OR1L8: variants seen among roughly 807,000 people sequenced by gnomAD.
The protein encoded by OR1L8 is olfactory receptor 1L8.
For synonymous variants in OR1L8, 148 were observed against 147.0 expected, an observed-to-expected ratio of 1.01 and a Z score of -0.05; for missense variants, 330 against 377.4, an observed-to-expected ratio of 0.87 and a Z score of 1.04.
chr9:122,575,745 C>G (rs1408563346), intron 3 of OR1L8, among the ~76,000 whole-genome samples: 8 of 152,136 alleles, frequency 5.3e-5, no homozygotes, highest in Non-Finnish European at 8.8e-5. Flanking sequence ...CTCACAGTTA[C>G]TTTTTTGTGA....
intron 1 of OR1L8, among the ~76,000 whole-genome samples, chr9:122,579,777 T>A (rs1017212585): frequency 3.9e-5 from 6 of 152,000 alleles, no homozygotes; most frequent in Middle Eastern, 3.4e-3. Flanking sequence ...GTCATTGATG[T>A]TTTAAGCAGA....
At chr9:122,566,432 T>A (rs1356014829), downstream of OR1L8, among the ~76,000 whole-genome samples, 1 of 152,050 alleles carries the variant, frequency 6.6e-6, no homozygotes, top group African/African-American at 2.4e-5. Context: ...CATATGTACA[T>A]TCATATTTAT....
the OR1L8 span, among the ~76,000 whole-genome samples, chr9:122,560,612 C>T: frequency 6.6e-6 from 1 of 152,102 alleles, no homozygotes; most frequent in Non-Finnish European, 1.5e-5. Flanking sequence ...ATATGAAATT[C>T]TGCGTTGAAA....
At chr9:122,553,089 T>A in the OR1L8 span, 1 of 918,492 alleles carries the variant, frequency 1.1e-6, no homozygotes, top group Non-Finnish European at 1.6e-6. Flanking sequence ...ACCATTTATT[T>A]TTCTTTTCTT....
chr9:122,563,445 T>A (rs4837990), downstream of OR1L8, among the ~76,000 whole-genome samples: 41,452 of 152,122 alleles, frequency 0.27, 5,825 homozygotes, highest in Middle Eastern at 0.34. Flanking sequence ...TCTCCATTTT[T>A]AAAATCATTT....
chr9:122,569,489 T>G (rs909866351), intron 4 of OR1L8, among the ~76,000 whole-genome samples: 1 of 152,244 alleles, frequency 6.6e-6, no homozygotes, highest in Non-Finnish European at 1.5e-5. Context: ...TTGTCACAAT[T>G]TTTTTGCAAT....
the OR1L8 span, among the ~76,000 whole-genome samples, chr9:122,550,906 T>C: frequency 2.6e-5 from 4 of 151,870 alleles, no homozygotes; most frequent in Non-Finnish European, 5.9e-5. Flanking sequence ...CTGGAAGTCC[T>C]TAACCAGAAC....
chr9:122,547,623 G>GTGTGTT, the OR1L8 span, among the ~76,000 whole-genome samples: 1 of 92,148 alleles, frequency 1.1e-5, no homozygotes, highest in Non-Finnish European at 2.3e-5. Flanking sequence ...GTAGTTCAGT[G>GTGTGTT]TGTGTGTGTG....
At chr9:122,573,708 T>C (rs1829592526) in intron 3 of OR1L8, among the ~76,000 whole-genome samples, 1 of 152,224 alleles carries the variant, frequency 6.6e-6, no homozygotes, top group South Asian at 2.1e-4. Context: ...TTTTATTCTC[T>C]TGACAGTGAC....
intron 2 of OR1L8, among the ~76,000 whole-genome samples, chr9:122,577,766 G>T (rs1445134395): frequency 6.6e-6 from 1 of 152,148 alleles, no homozygotes; most frequent in East Asian, 1.9e-4. Context: ...TTATCCAAAG[G>T]AAACAGTTGA....
the OR1L8 span, among the ~76,000 whole-genome samples, chr9:122,560,150 C>T: frequency 1.1e-4 from 16 of 152,160 alleles, no homozygotes; most frequent in South Asian, 2.1e-3. Flanking sequence ...AGGATCACAA[C>T]CCCTCTTTTT....
At position 122,567,753 on chromosome 9, in the gene OR1L8, C is replaced by T. The variant is rs778596436; in HGVS notation, c.725G>A (p.Cys242Tyr). 3.7e-6 allele frequency: 6 copies of T among 1,614,070 alleles called. No individual in the cohort carries two copies. The Admixed American group carries it at 8.3e-5, about 22-fold the overall frequency. Residue 242 changes from cysteine to tyrosine, a missense_variant, in exon 5 of 5, where the codon TGT becomes TAT. Cys to Tyr is a radical substitution (Grantham distance 194). Coordinates refer to ENST00000641027, the MANE Select transcript of OR1L8 (RefSeq NM_001004454.2). ...TSGKRKAFST[C>Y]GFYLTVVTLF... ...CGTCACCACGGTGAGGTAAAAACCA[C>T]AGGTGGAGAAGGCTTTGCGTTTCCC... is the stretch of plus-strand genomic sequence containing the variant.
the OR1L8 span, among the ~76,000 whole-genome samples, chr9:122,556,989 G>T: frequency 6.6e-6 from 1 of 152,018 alleles, no homozygotes; most frequent in Non-Finnish European, 1.5e-5. Flanking sequence ...ACAAATTGGG[G>T]GCTGCTAGTG....
intron 4 of OR1L8, among the ~76,000 whole-genome samples, chr9:122,569,925 C>T (rs1236663955): frequency 3.0e-4 from 44 of 147,678 alleles, no homozygotes; most frequent in East Asian, 2.8e-3. Context: ...TGAGAATATG[C>T]GGTGTTTGGT....
At chr9:122,574,035 G>A (rs1050569216) in intron 3 of OR1L8, among the ~76,000 whole-genome samples, 17 of 152,128 alleles carry the variant, frequency 1.1e-4, no homozygotes, top group Admixed American at 3.9e-4. Context: ...AGATAGTTGC[G>A]TGGGTCTATT....
At chr9:122,566,232 T>C (rs145490262), downstream of OR1L8, among the ~76,000 whole-genome samples, 722 of 152,362 alleles carry the variant, frequency 4.7e-3, 8 homozygotes, top group African/African-American at 0.016. Context: ...AGAAAGTTTT[T>C]CTTCAACTGG....
At chr9:122,571,056 G>A (rs749182679) in intron 4 of OR1L8, among the ~76,000 whole-genome samples, 1 of 152,132 alleles carries the variant, frequency 6.6e-6, no homozygotes, top group Non-Finnish European at 1.5e-5. Flanking sequence ...GTGCATTGGT[G>A]CTATGTTTTC....
chr9:122,551,751 C>T, the OR1L8 span, among the ~76,000 whole-genome samples: 2 of 152,006 alleles, frequency 1.3e-5, no homozygotes, highest in East Asian at 1.9e-4. Context: ...ACACCGAGGT[C>T]GACCTTAACG....
chr9:122,547,616 G>T, the OR1L8 span, among the ~76,000 whole-genome samples: 1 of 128,392 alleles, frequency 7.8e-6, no homozygotes, highest in African/African-American at 3.0e-5. Context: ...CTGAGTAGTA[G>T]TTCAGTGTGT....
Sources: allele counts gnomAD v4.1 joint callset (sites outside exome capture counted in the v4.1 genomes callset), GRCh38; gene constraint gnomAD v4.1.1; transcripts MANE v1.5; gene names NCBI Gene and HGNC (gene_info 2026-07-23, HGNC 2026-07-21).